The following STAG2 variants were observed in gnomAD, a reference collection of about 807,000 sequenced individuals.
The protein encoded by STAG2 is STAG2 cohesin complex component.
Under a neutral mutation model 108.1 loss-of-function variants are expected in STAG2, and 14 were observed. The observed-to-expected ratio is 0.13, with a 90% CI of 0.09 to 0.20. The LOEUF is 0.20. Among genes scored for constraint, STAG2 ranks in the 10% least tolerant of loss-of-function variants. The pLI, the probability that STAG2 is intolerant of heterozygous loss-of-function variation, is 1.00. For missense variants in STAG2, 440 were observed against 940.9 expected (o/e 0.47, Z 6.96); for synonymous variants, 307 against 302.7 (o/e 1.01, Z -0.15).
At chrX:123,983,974 C>CTTTTTTTTTTTTTTTTTTTTTTTTTTT (rs199881082) in intron 1 of STAG2, among the ~76,000 whole-genome samples, 12 of 61,463 alleles carry the variant, frequency 2.0e-4, no homozygotes, top group African/African-American at 1.0e-3. Context: ...CTTTTCTTTT[C>CTTTTTTTTTTTTTTTTTTTTTTTTTTT]TTTTTTTTTT....
intron 5 of STAG2, among the ~76,000 whole-genome samples, chrX:124,032,285 TA>T (rs1186648065): frequency 2.7e-5 from 3 of 111,981 alleles, no homozygotes; most frequent in Non-Finnish European, 5.6e-5. Context: ...CTTAGAAGAA[TA>T]AAAAGTTGGA....
intron 25 of STAG2, among the ~76,000 whole-genome samples, chrX:124,074,714 T>G (rs181970558): frequency 8.9e-6 from 1 of 111,931 alleles, no homozygotes; most frequent in East Asian, 2.8e-4. Flanking sequence ...CTGACACTTA[T>G]GAAAGGCCCA....
Position 124,068,468 on chromosome X carries a change from C to CTATA in STAG2, c.2266-93_2266-92insATAT, listed in dbSNP as rs35736501. On this transcript the variant is annotated intron_variant, in intron 23 of 34. Transcript: ENST00000371145. Reference sequence around the variant, plus strand: ...AAATGCAGAAGTAGAGTTAATAAAGCTATGAGATAATGTTTTACATAATTG... The same window carrying CTATA: ...AAATGCAGAAGTAGAGTTAATAAAGCTATATATGAGATAATGTTTTACATAATTG... 0.052 allele frequency: 25,269 copies of CTATA among 486,211 alleles called. 584 individuals are homozygous for CTATA. The highest frequency in any genetic ancestry group is 0.12 in the African/African-American group (4,602 of 39,650). 40.1% of individuals were successfully genotyped at this position (486,211 alleles called of 1,213,427 possible). A position where few individuals can be genotyped will look rare whatever the true frequency, so the allele number is the denominator to read the frequency against.
At chrX:123,962,228 G>A (rs2053899335) in intron 1 of STAG2, 1 of 111,305 alleles carries the variant, frequency 9.0e-6, no homozygotes, top group Admixed American at 9.6e-5. Flanking sequence ...AGGGTCGGAT[G>A]GGCCGTGGGA....
intron 23 of STAG2, 147 bp from the exon 24 acceptor site, chrX:124,068,417 T>C (rs1418867319): frequency 1.5e-5 from 6 of 398,809 alleles, no homozygotes; most frequent in Admixed American, 1.1e-4. Flanking sequence ...TCATTTCTTA[T>C]AAATTATAAG....
At chrX:124,073,917 T>C (rs1443486810) in intron 25 of STAG2, among the ~76,000 whole-genome samples, 1 of 111,908 alleles carries the variant, frequency 8.9e-6, no homozygotes, top group East Asian at 2.8e-4. Context: ...TCCTCCCATT[T>C]TCCCTAGAGA....
At chrX:124,011,570 A>C (rs1286732956) in intron 1 of STAG2, among the ~76,000 whole-genome samples, 2 of 111,746 alleles carry the variant, frequency 1.8e-5, no homozygotes, top group African/African-American at 6.5e-5. Flanking sequence ...TGTTCCTTAC[A>C]ACAGAATATC....
intron 4 of STAG2, among the ~76,000 whole-genome samples, chrX:124,028,250 C>T (rs2057171881): frequency 9.0e-6 from 1 of 111,078 alleles, no homozygotes; most frequent in African/African-American, 3.3e-5. Flanking sequence ...CTAAGACCCC[C>T]AGTGGATGCC....
intron 1 of STAG2, among the ~76,000 whole-genome samples, chrX:123,989,134 G>A: frequency 8.9e-6 from 1 of 111,816 alleles, no homozygotes; most frequent in Non-Finnish European, 1.9e-5. Flanking sequence ...GACTTAATGA[G>A]TTTTGTAGCA....
intron 1 of STAG2, among the ~76,000 whole-genome samples, chrX:124,020,182 T>C (rs898191865): frequency 7.1e-5 from 8 of 112,524 alleles, no homozygotes; most frequent in Non-Finnish European, 1.3e-4. Context: ...TCATTTTATT[T>C]AGTATTCTCT....
At chrX:124,026,128 A>AAATAAT (rs57097416) in intron 4 of STAG2, among the ~76,000 whole-genome samples, 12,777 of 88,717 alleles carry the variant, frequency 0.14, 847 homozygotes, top group African/African-American at 0.18. Context: ...GTAAAGTTGC[A>AAATAAT]AATAATAATA....
intron 25 of STAG2, among the ~76,000 whole-genome samples, chrX:124,074,499 T>A (rs186909640): frequency 8.9e-6 from 1 of 112,177 alleles, no homozygotes; most frequent in Non-Finnish European, 1.9e-5. Context: ...TTAAACTTGA[T>A]CATATTTTGC....
At chrX:124,042,710 A>G (rs769939369) in intron 7 of STAG2, 65 bp downstream of exon 7, 2 of 838,604 alleles carry the variant, frequency 2.4e-6, no homozygotes, top group South Asian at 4.3e-5. Context: ...TTTTGAAAGT[A>G]TTATTAAATT....
At chrX:124,034,486 C>CT (rs1175566414) in intron 5 of STAG2, among the ~76,000 whole-genome samples, 1 of 112,302 alleles carries the variant, frequency 8.9e-6, no homozygotes, top group East Asian at 2.8e-4. Flanking sequence ...AGGAAGTCCT[C>CT]TGTTTAGAAA....
intron 1 of STAG2, among the ~76,000 whole-genome samples, chrX:124,019,052 CTTTTTTTTTTTTT>C (rs751161706): frequency 3.8e-5 from 3 of 79,902 alleles, no homozygotes; most frequent in Non-Finnish European, 7.0e-5. Context: ...ATTTAGCACT[CTTTTTTTTTTTTT>C]TTTTTTTTTA....
At chrX:124,038,021 G>A (rs1410631178) in intron 6 of STAG2, among the ~76,000 whole-genome samples, 1 of 111,845 alleles carries the variant, frequency 8.9e-6, no homozygotes, top group Non-Finnish European at 1.9e-5. Context: ...CAGTAAGTAA[G>A]CAAGCAAGCA....
chrX:124,077,174 A>G (rs926674340), intron 26 of STAG2, among the ~76,000 whole-genome samples: 2 of 111,470 alleles, frequency 1.8e-5, no homozygotes, highest in African/African-American at 6.5e-5. Context: ...TCCTCTCTGG[A>G]ATATTTTGCT....
intron 1 of STAG2, among the ~76,000 whole-genome samples, chrX:123,990,372 G>A (rs765531483): frequency 3.8e-4 from 42 of 111,801 alleles, no homozygotes; most frequent in Non-Finnish European, 6.2e-4. Context: ...GGTACTTTCA[G>A]TTTTCCCTCT....
chrX:123,977,123 C>A (rs186267687), intron 1 of STAG2, among the ~76,000 whole-genome samples: 181 of 111,693 alleles, frequency 1.6e-3, no homozygotes, highest in African/African-American at 5.7e-3. Context: ...AAAGGCTTAG[C>A]GGCAGGGAGA....
Sources: allele counts gnomAD v4.1 joint callset (sites outside exome capture counted in the v4.1 genomes callset), GRCh38; gene constraint gnomAD v4.1.1; transcripts MANE v1.5; gene names NCBI Gene and HGNC (gene_info 2026-07-23, HGNC 2026-07-21).